TMEM120B: variants seen among roughly 807,000 people sequenced by gnomAD.
The protein encoded by TMEM120B is transmembrane protein 120B.
A neutral mutation model predicts 55.5 loss-of-function variants in TMEM120B; 31 were observed. That is an observed-to-expected ratio of 0.56 (90% CI 0.42 to 0.75). The LOEUF (loss-of-function observed/expected upper bound fraction) is 0.75, where lower values mean the gene tolerates loss of function less well. Among genes scored for constraint, TMEM120B ranks in the 30% least tolerant of loss-of-function variants. The probability of loss-of-function intolerance (pLI) is 0.00; values close to 1 mark genes in which losing one functional copy is unlikely to be tolerated. For missense variants in TMEM120B, 399 were observed against 425.5 expected, an observed-to-expected ratio of 0.94 and a Z score of 0.55; for synonymous variants, 203 against 176.3, an observed-to-expected ratio of 1.15 and a Z score of -1.20.
At chr12:121,773,172 T>C (rs1384194621) in intron 8 of TMEM120B, among the ~76,000 whole-genome samples, 1 of 152,232 alleles carries the variant, frequency 6.6e-6, no homozygotes, top group Non-Finnish European at 1.5e-5. Context: ...GTTTCAAATC[T>C]AGTTGGGGCT....
At chr12:121,767,037 A>T (rs1471727678) in intron 6 of TMEM120B, among the ~76,000 whole-genome samples, 1 of 152,162 alleles carries the variant, frequency 6.6e-6, no homozygotes, top group Non-Finnish European at 1.5e-5. Flanking sequence ...TCCTGAAGGG[A>T]GAAGTCTACC....
At chr12:121,716,074 G>A (rs1321862415) in intron 1 of TMEM120B, among the ~76,000 whole-genome samples, 1 of 148,776 alleles carries the variant, frequency 6.7e-6, no homozygotes, top group Non-Finnish European at 1.5e-5. Context: ...TGGGAGGACC[G>A]CTCCCAGCAG....
At chr12:121,746,191 T>C (rs1230052665) in intron 2 of TMEM120B, among the ~76,000 whole-genome samples, 11,196 of 136,092 alleles carry the variant, frequency 0.082, 707 homozygotes, top group African/African-American at 0.2. Flanking sequence ...GCCCCCCCAC[T>C]TTTTTTTTTT....
intron 1 of TMEM120B, among the ~76,000 whole-genome samples, chr12:121,728,335 A>C (rs865852867): frequency 2.0e-5 from 3 of 151,768 alleles, no homozygotes; most frequent in African/African-American, 7.3e-5. Context: ...TAAAAATACA[A>C]AAAATTAGCC....
intron 5 of TMEM120B, among the ~76,000 whole-genome samples, chr12:121,757,005 G>A (rs867566005): frequency 2.0e-5 from 3 of 152,070 alleles, no homozygotes; most frequent in Admixed American, 1.3e-4. Context: ...GGCAGTGTAC[G>A]GTGTCCGTCA....
At chr12:121,718,697 T>A (rs1441651973) in intron 1 of TMEM120B, among the ~76,000 whole-genome samples, 1 of 152,170 alleles carries the variant, frequency 6.6e-6, no homozygotes, top group Admixed American at 6.6e-5. Context: ...AGAAAAGTTT[T>A]GAACTTGCTG....
intron 1 of TMEM120B, among the ~76,000 whole-genome samples, chr12:121,739,728 T>C (rs1346710138): frequency 6.7e-6 from 1 of 149,062 alleles, no homozygotes; most frequent in Non-Finnish European, 1.5e-5. Context: ...CACCACAGCC[T>C]CCCAAAGTGC....
intron 1 of TMEM120B, among the ~76,000 whole-genome samples, chr12:121,736,942 CTG>C (rs1895128232): frequency 6.6e-6 from 1 of 152,124 alleles, no homozygotes; most frequent in South Asian, 2.1e-4. Flanking sequence ...GGACTTGTCT[CTG>C]TGGTTAAAGC....
At position 121,779,696 on chromosome 12, in the gene TMEM120B, G is replaced by A; in HGVS notation, c.*3974G>A. The A allele has an allele frequency of 6.2e-7, 1 of 1,610,510 alleles. No homozygotes were observed. Among genetic ancestry groups the A allele is most frequent in the Non-Finnish European group, 8.5e-7 (1 of 1,178,300 alleles). On this transcript the variant is annotated 3_prime_UTR_variant, in exon 12 of 12. Transcript: ENST00000449592. ...GGGGAGGAGCCAGCATTAGGTGAGG[G>A]GCCCCTGGAGGTCTCCTAGCACCAC...
intron 1 of TMEM120B, among the ~76,000 whole-genome samples, chr12:121,715,196 G>A (rs1464396165): frequency 1.3e-5 from 2 of 152,048 alleles, no homozygotes; most frequent in East Asian, 3.9e-4. Flanking sequence ...TTAGCTGGGT[G>A]TGGTGGCATG....
chr12:121,752,409 C>T (rs1873359165), intron 5 of TMEM120B, among the ~76,000 whole-genome samples, 186 bp downstream of exon 5: 1 of 152,184 alleles, frequency 6.6e-6, no homozygotes, highest in Non-Finnish European at 1.5e-5. Flanking sequence ...CTCCATCCAA[C>T]AAGTATCTGT....
At chr12:121,764,425 G>A (rs1327209756) in intron 6 of TMEM120B, among the ~76,000 whole-genome samples, 3 of 152,164 alleles carry the variant, frequency 2.0e-5, no homozygotes, top group Non-Finnish European at 4.4e-5. Context: ...GAAGGCTGAG[G>A]CAGGAGAATT....
intron 1 of TMEM120B, among the ~76,000 whole-genome samples, chr12:121,719,438 T>C (rs908908318): frequency 1.3e-5 from 2 of 151,884 alleles, no homozygotes; most frequent in East Asian, 1.9e-4. Flanking sequence ...CCACAAAAAT[T>C]AGCTAGGCAT....
chr12:121,728,416 G>A (rs573144126), intron 1 of TMEM120B, among the ~76,000 whole-genome samples: 1 of 151,822 alleles, frequency 6.6e-6, no homozygotes, highest in Non-Finnish European at 1.5e-5. Flanking sequence ...GTGAACTTGG[G>A]AGATGGAGCT....
At chr12:121,759,122 GT>G (rs367619585) in intron 5 of TMEM120B, 684 of 661,368 alleles carry the variant, frequency 1.0e-3, no homozygotes, top group Non-Finnish European at 1.1e-3. Context: ...AGTGTCTACT[GT>G]TTTTTTTTTT....
chr12:121,729,991 T>C (rs1426437082), intron 1 of TMEM120B, among the ~76,000 whole-genome samples: 1 of 152,092 alleles, frequency 6.6e-6, no homozygotes, highest in East Asian at 1.9e-4. Context: ...CCAGGTGCGG[T>C]GGCTCACGCC....
intron 1 of TMEM120B, among the ~76,000 whole-genome samples, chr12:121,732,661 AG>A (rs935064354): frequency 6.6e-6 from 1 of 152,152 alleles, no homozygotes; most frequent in Non-Finnish European, 1.5e-5. Flanking sequence ...GCTACTCTGA[AG>A]GGCAGTTTGC....
Position 121,779,671 on chromosome 12 carries a change from G to C in TMEM120B, c.*3949G>C. The C allele has an allele frequency of 6.2e-7, 1 of 1,613,550 alleles. No homozygotes were observed. The highest frequency in any genetic ancestry group is 8.5e-7 in the Non-Finnish European group (1 of 1,179,734). On this transcript the variant is annotated 3_prime_UTR_variant, in exon 12 of 12. Coordinates refer to ENST00000449592, the MANE Select transcript of TMEM120B (RefSeq NM_001080825.2). Reference sequence around the variant, plus strand: ...TCGCAGGCGCTCAGGCCCTGGGTGGGGGGAGGAGCCAGCATTAGGTGAGGG... The same window carrying C: ...TCGCAGGCGCTCAGGCCCTGGGTGGCGGGAGGAGCCAGCATTAGGTGAGGG...
intron 1 of TMEM120B, among the ~76,000 whole-genome samples, chr12:121,743,266 A>G (rs1013047852): frequency 1.3e-5 from 2 of 151,888 alleles, no homozygotes; most frequent in African/African-American, 2.4e-5. Flanking sequence ...AGAGTGATTT[A>G]TTGGCTGGGT....
Sources: allele counts gnomAD v4.1 joint callset (sites outside exome capture counted in the v4.1 genomes callset), GRCh38; gene constraint gnomAD v4.1.1; transcripts MANE v1.5; gene names NCBI Gene and HGNC (gene_info 2026-07-23, HGNC 2026-07-21).